The following DIS3 variants were observed in gnomAD, a reference collection of about 807,000 sequenced individuals.
DIS3 encodes the protein exosome complex exonuclease RRP44.
In DIS3, 103 loss-of-function variants were observed where a neutral mutation model predicts 113.0. That is an observed-to-expected ratio of 0.91 (90% CI 0.78 to 1.07). The LOEUF is 1.07. Ranked by LOEUF, DIS3 falls within the 50% of genes least tolerant of loss-of-function variation. DIS3 has a pLI of 0.00. For missense variants in DIS3, 1,121 were observed against 1,167.1 expected, an observed-to-expected ratio of 0.96 and a Z score of 0.58; for synonymous variants, 402 against 394.3, an observed-to-expected ratio of 1.02 and a Z score of -0.23.
chr13:72,774,455 T>C (rs1403396073), intron 6 of DIS3, among the ~76,000 whole-genome samples: 1 of 152,128 alleles, frequency 6.6e-6, no homozygotes, highest in Non-Finnish European at 1.5e-5. Flanking sequence ...TAGTTCCCTT[T>C]GGACCTTTAT....
Position 72,763,476 on chromosome 13 carries a change from AT to A in DIS3, c.2101del (p.Ile701PhefsTer36). The A allele has an allele frequency of 2.5e-6, 4 of 1,613,344 alleles. No individual in the cohort carries two copies. The highest frequency in any genetic ancestry group is 3.4e-6 in the Non-Finnish European group (4 of 1,179,864). ...CCTTGACCTGGCTGCCTTAACAAGA[AT>A]TTCATAATTTGATGGAGGTGGAGCA... ...HPAPPPSNYE[I>X]LVKAARSRNL... On this transcript the variant is annotated frameshift_variant, in exon 16 of 21. Transcript: ENST00000377767. LOFTEE classifies it high-confidence loss of function.
At position 72,755,028 on chromosome 13, in the gene DIS3, T is replaced by G; in HGVS notation, c.*4767A>C. The G allele has an allele frequency of 1.4e-6, 1 of 727,548 alleles. No individual in the cohort carries two copies. The highest frequency in any genetic ancestry group is 2.4e-6 in the Non-Finnish European group (1 of 425,138). 45.1% of individuals were successfully genotyped at this position (727,548 alleles called of 1,614,324 possible). On this transcript the variant is annotated 3_prime_UTR_variant, in exon 21 of 21. Transcript: ENST00000377767. The stretch of plus-strand genomic sequence containing the variant: ...TATTGATTTATAAAATACTGTATCT[T>G]TACTGTCCCTTCAGAGTTCAGCTAA...
intron 16 of DIS3, among the ~76,000 whole-genome samples, chr13:72,762,915 A>G (rs2033660135): frequency 6.6e-6 from 1 of 152,214 alleles, no homozygotes; most frequent in South Asian, 2.1e-4. Context: ...ATGCATAAAG[A>G]CAAGGAAACA....
intron 4 of DIS3, among the ~76,000 whole-genome samples, chr13:72,776,763 CCTT>C (rs2034027252): frequency 6.6e-6 from 1 of 152,154 alleles, no homozygotes; most frequent in African/African-American, 2.4e-5. Flanking sequence ...CCTTAGCACT[CCTT>C]CTCACATCAG....
chr13:72,755,044 GT>G lies in DIS3; in HGVS notation c.*4750del. ...ACTGTATCTTTACTGTCCCTTCAGAGTTCAGCTAAAGAAACGTGCTTTTAGG... is the reference window on the plus strand; with the variant it reads ...ACTGTATCTTTACTGTCCCTTCAGAGTCAGCTAAAGAAACGTGCTTTTAGG... On this transcript the variant is annotated 3_prime_UTR_variant, in exon 21 of 21. Transcript: ENST00000377767. 3 of 843,128 alleles carry G rather than the reference GT, an allele frequency of 3.6e-6. No homozygotes were observed. Among genetic ancestry groups the G allele is most frequent in the Non-Finnish European group, 5.9e-6 (3 of 506,820 alleles). 52.2% of individuals were successfully genotyped at this position (843,128 alleles called of 1,614,324 possible).
At position 72,779,846 on chromosome 13, in the gene DIS3, C is replaced by G. The variant is rs370826201; in HGVS notation, c.386+1000G>C. Among the ~76,000 whole-genome samples the G allele has an allele frequency of 3.3e-5, 5 of 152,068 alleles. No individual in the cohort carries two copies. The South Asian group carries it at 1.0e-3, about 32-fold the overall frequency. On this transcript the variant is annotated intron_variant, in intron 2 of 20. Transcript: ENST00000377767. ...AACATACTACAATGTATAAAACAGC[C>G]TTTCCACCACAAAAAAATTATTCAG...
At chr13:72,774,909 C>T (rs1388048042) in intron 6 of DIS3, among the ~76,000 whole-genome samples, 3 of 152,084 alleles carry the variant, frequency 2.0e-5, no homozygotes, top group African/African-American at 4.8e-5. Context: ...ATGTTAAACA[C>T]ATATTTACTT....
At chr13:72,778,123 G>A in intron 3 of DIS3, 64 bp downstream of exon 3, 5 of 1,348,854 alleles carry the variant, frequency 3.7e-6, no homozygotes, top group Non-Finnish European at 4.0e-6. Flanking sequence ...CTGACTATAG[G>A]CCTAATGATT....
chr13:72,754,097 CTCA>C lies in DIS3; in HGVS notation c.*5695_*5697del, dbSNP rs759115629. On this transcript the variant is annotated 3_prime_UTR_variant, in exon 21 of 21. Coordinates refer to ENST00000377767, the MANE Select transcript of DIS3 (RefSeq NM_014953.5). ...GGTTATATATTCATACTTGAAGAAA[CTCA>C]TCATAATTTCAGGCACTAGTCAGGA... 7.1e-5 allele frequency: 19 copies of C among 267,452 alleles called. No homozygotes were observed. Among genetic ancestry groups the C allele is most frequent in the Non-Finnish European group, 1.1e-4 (16 of 142,100 alleles). 16.6% of individuals were successfully genotyped at this position (267,452 alleles called of 1,614,324 possible). A position where few individuals can be genotyped will look rare whatever the true frequency, so the allele number is the denominator to read the frequency against.
At chr13:72,764,315 C>A (rs1254736466) in intron 15 of DIS3, among the ~76,000 whole-genome samples, 2 of 152,086 alleles carry the variant, frequency 1.3e-5, no homozygotes, top group Non-Finnish European at 2.9e-5. Flanking sequence ...TTAGATCATA[C>A]AAATTTTGGC....
chr13:72,775,828 C>A, intron 5 of DIS3, 97 bp downstream of exon 5: 1 of 1,073,792 alleles, frequency 9.3e-7, no homozygotes, highest in Non-Finnish European at 1.3e-6. Flanking sequence ...TATGTGAAGC[C>A]TCATATGTTA....
In DIS3 at chr13:72,753,783, T is replaced by C. The variant is rs192708724; in HGVS notation, c.*6012A>G. 1.3e-5 allele frequency: 21 copies of C among 1,613,152 alleles called. No homozygotes were observed. In the East Asian group the frequency reaches 4.5e-4, roughly 34 times the overall value. ...CTGCAAAGAAAGTGATGCACAAACATGTGAAGTTGAGAGTAAATCTCAAGC... is the reference window on the plus strand; with the variant it reads ...CTGCAAAGAAAGTGATGCACAAACACGTGAAGTTGAGAGTAAATCTCAAGC... On this transcript the variant is annotated 3_prime_UTR_variant, in exon 21 of 21. Coordinates refer to ENST00000377767, the MANE Select transcript of DIS3 (RefSeq NM_014953.5).
chr13:72,781,843 C>G lies in DIS3; in HGVS notation c.-11G>C. 1 of 1,565,634 alleles carries G rather than the reference C, an allele frequency of 6.4e-7. No individual in the cohort carries two copies. The highest frequency in any genetic ancestry group is 8.7e-7 in the Non-Finnish European group (1 of 1,152,002). On this transcript the variant is annotated 5_prime_UTR_variant, in exon 1 of 21. Coordinates refer to ENST00000377767, the MANE Select transcript of DIS3 (RefSeq NM_014953.5). ...CTTGGACTTGAGCATCTTGCCTCGCCGCGCAGAATCCTAACCCCAGCAGCG... is the reference window on the plus strand; with the variant it reads ...CTTGGACTTGAGCATCTTGCCTCGCGGCGCAGAATCCTAACCCCAGCAGCG...
Position 72,758,321 on chromosome 13 carries a change from C to G in DIS3, c.*1474G>C, listed in dbSNP as rs948251423. The G allele has an allele frequency of 1.1e-5, 2 of 182,528 alleles. No individual in the cohort carries two copies. Among genetic ancestry groups the G allele is most frequent in the Non-Finnish European group, 2.3e-5 (2 of 85,726 alleles). The allele number at this position is 182,528 out of a possible 1,614,324, so 11.3% of individuals were successfully genotyped here. On this transcript the variant is annotated 3_prime_UTR_variant, in exon 21 of 21. Transcript: ENST00000377767. The stretch of plus-strand genomic sequence containing the variant: ...TGATTTTCACACAATGATGAAATTG[C>G]CAAGTGACATGTCTCAGAACATATC...
Position 72,755,101 on chromosome 13 carries a change from C to T in DIS3, c.*4694G>A, listed in dbSNP as rs1193694347. 2 of 1,504,874 alleles carry T rather than the reference C, an allele frequency of 1.3e-6. No homozygotes were observed. Among genetic ancestry groups the T allele is most frequent in the East Asian group, 2.3e-5 (1 of 44,328 alleles). The allele number at this position is 1,504,874 out of a possible 1,614,324, so 93.2% of individuals were successfully genotyped here. Reference sequence around the variant, plus strand: ...AAAACAGTCCCGATAATTGCATCCTCCAGTGGTCCTACTTAAACTGAAAAC... The same window carrying T: ...AAAACAGTCCCGATAATTGCATCCTTCAGTGGTCCTACTTAAACTGAAAAC... On this transcript the variant is annotated 3_prime_UTR_variant, in exon 21 of 21. Coordinates refer to ENST00000377767, the MANE Select transcript of DIS3 (RefSeq NM_014953.5).
intron 16 of DIS3, 55 bp from the exon 17 acceptor site, chr13:72,762,192 A>T: frequency 7.1e-7 from 1 of 1,412,094 alleles, no homozygotes; most frequent in Non-Finnish European, 9.8e-7. Context: ...AGTCAGTACC[A>T]TTATGTCTTC....
At chr13:72,763,658 T>C (rs965799867) in intron 15 of DIS3, 51 bp from the exon 16 acceptor site, 1 of 1,520,754 alleles carries the variant, frequency 6.6e-7, no homozygotes, top group African/African-American at 1.4e-5. Context: ...CTGAGACTTC[T>C]ATATATCATA....
chr13:72,771,663 A>G (rs967970685), intron 11 of DIS3, 132 bp downstream of exon 11: 2 of 771,582 alleles, frequency 2.6e-6, no homozygotes, highest in Non-Finnish European at 4.0e-6. Flanking sequence ...GAACCACTCG[A>G]TAACAAAAAT....
rs1222728328 is a variant in DIS3, at chr13:72,753,979, G to A, written c.*5816C>T. ...ACATCCAATAACCTTTAAATATTTT[G>A]GTTACTCTGAATACACAAGTATCTT... On this transcript the variant is annotated 3_prime_UTR_variant, in exon 21 of 21. Transcript: ENST00000377767. 2.9e-5 allele frequency: 22 copies of A among 766,338 alleles called. No individual in the cohort carries two copies. Among genetic ancestry groups the A allele is most frequent in the Non-Finnish European group, 4.2e-5 (21 of 497,274 alleles). The allele number at this position is 766,338 out of a possible 1,614,324, so 47.5% of individuals were successfully genotyped here. A position where few individuals can be genotyped will look rare whatever the true frequency, so the allele number is the denominator to read the frequency against.
Sources: gnomAD v4.1 joint callset for allele counts (sites outside exome capture counted in the v4.1 genomes callset) on GRCh38, gnomAD v4.1.1 for gene constraint, MANE v1.5 for transcripts, NCBI Gene and HGNC (gene_info 2026-07-23, HGNC 2026-07-21) for gene names.